The following PWWP2A variants were observed in gnomAD, a reference collection of about 807,000 sequenced individuals.
PWWP2A encodes PWWP domain containing 2A, also known as PWWP domain-containing protein 2A.
PWWP2A carries 18 observed loss-of-function variants against 48.5 expected under a neutral mutation model. That is an observed-to-expected ratio of 0.37 (90% confidence interval 0.26 to 0.55). The LOEUF is 0.55. Among genes scored for constraint, PWWP2A ranks in the 20% least tolerant of loss-of-function variants. The pLI, the probability that PWWP2A is intolerant of heterozygous loss-of-function variation, is 0.81. For synonymous variants in PWWP2A, 396 were observed against 387.7 expected, an observed-to-expected ratio of 1.02 and a Z score of -0.25; for missense variants, 867 against 976.4, an observed-to-expected ratio of 0.89 and a Z score of 1.49.
In PWWP2A at chr5:160,110,439, G is replaced by C. The variant is rs1389529819; in HGVS notation, c.584+8366C>G. ...ATATCTGCACTGGCCGGACGTGGTGGCTCAAGCCTGTAATCCCAGCACTTT... is the reference window on the plus strand; with the variant it reads ...ATATCTGCACTGGCCGGACGTGGTGCCTCAAGCCTGTAATCCCAGCACTTT... On this transcript the variant is annotated intron_variant, in intron 1 of 1. Transcript: ENST00000307063. Among the ~76,000 whole-genome samples, 5 of 152,146 alleles carry C rather than the reference G, an allele frequency of 3.3e-5. No homozygotes were observed. The East Asian group carries it at 9.6e-4, about 29-fold the overall frequency.
chr5:160,091,202 T>C, downstream of PWWP2A: 1 of 973,210 alleles, frequency 1.0e-6, no homozygotes, highest in South Asian at 4.8e-5. Context: ...TTTTCTTATC[T>C]CAGATAATAT....
At chr5:160,045,554 C>CTCT in the PWWP2A span, among the ~76,000 whole-genome samples, 479 of 116,006 alleles carry the variant, frequency 4.1e-3, 9 homozygotes, top group East Asian at 0.015. Context: ...TCTCTCTCTC[C>CTCT]CCCTCCCCTC....
chr5:160,047,945 T>C, the PWWP2A span, among the ~76,000 whole-genome samples: 4 of 152,146 alleles, frequency 2.6e-5, no homozygotes, highest in Non-Finnish European at 5.9e-5. Context: ...TCTTGCCTAC[T>C]AGAATAGCAT....
the PWWP2A span, among the ~76,000 whole-genome samples, chr5:160,048,331 T>C: frequency 6.6e-6 from 1 of 151,994 alleles, no homozygotes; most frequent in Non-Finnish European, 1.5e-5. Context: ...TTTGTATTTT[T>C]AGTAGTGATG....
At position 160,091,494 on chromosome 5, in the gene PWWP2A, T is replaced by C; in HGVS notation, c.*888A>G. ...TGTTTTAATTATCAAATTAGGTACA[T>C]CCAAAATGCAACAATTACACATATG... On this transcript the variant is annotated 3_prime_UTR_variant, in exon 2 of 2. Transcript: ENST00000307063. The C allele has an allele frequency of 1.0e-6, 1 of 981,472 alleles. No individual in the cohort carries two copies. Among genetic ancestry groups the C allele is most frequent in the Non-Finnish European group, 1.2e-6 (1 of 826,514 alleles). The allele number at this position is 981,472 out of a possible 1,614,324, so 60.8% of individuals were successfully genotyped here.
the PWWP2A span, among the ~76,000 whole-genome samples, chr5:160,045,454 C>CCACA: frequency 0.015 from 594 of 38,840 alleles, 41 homozygotes; most frequent in Middle Eastern, 0.022. Context: ...CCCCCACCCT[C>CCACA]CACACACACA....
At chr5:160,106,243 A>G (rs1034886145) in intron 1 of PWWP2A, among the ~76,000 whole-genome samples, 1 of 152,236 alleles carries the variant, frequency 6.6e-6, no homozygotes, top group Non-Finnish European at 1.5e-5. Flanking sequence ...GTATCATTCA[A>G]AAAGGCATCT....
chr5:160,073,049 A>G (rs1240722415), downstream of PWWP2A, among the ~76,000 whole-genome samples: 5 of 140,652 alleles, frequency 3.6e-5, no homozygotes, highest in African/African-American at 7.8e-5. Flanking sequence ...ACATCTCCCC[A>G]GGGGTTTCGG....
chr5:160,064,864 G>A, intron 4 of PWWP2A: 1 of 1,518,434 alleles, frequency 6.6e-7, no homozygotes, highest in Non-Finnish European at 8.9e-7. Context: ...GGTAAGGCAA[G>A]ATTAATTGGT....
rs190017594 is a variant in PWWP2A, at chr5:160,093,108, G to A, written c.1542C>T (p.Arg514=). 3.7e-6 allele frequency: 6 copies of A among 1,613,974 alleles called. No homozygotes were observed. Among genetic ancestry groups the A allele is most frequent in the Non-Finnish European group, 4.2e-6 (5 of 1,179,896 alleles). ...PKPQSRCTST[R]SAGEAPSENQ... ...TTTCTGAAGGGGCCTCACCTGCTGA[G>A]CGGGTAGAGGTGCAGCGAGACTGGG... The change falls in exon 2 of 2, where the codon CGC becomes CGT. Residue 514 remains arginine (R), a synonymous_variant. Transcript: ENST00000307063. The surrounding 1 kb of genome is among the most constrained non-coding windows in gnomAD (Gnocchi z 5.8).
At chr5:160,097,292 G>A (rs957715873) in intron 1 of PWWP2A, among the ~76,000 whole-genome samples, 15 of 132,250 alleles carry the variant, frequency 1.1e-4, no homozygotes, top group Admixed American at 2.6e-4. Flanking sequence ...AGCCATGTTC[G>A]CGCTATCGCA....
downstream of PWWP2A, among the ~76,000 whole-genome samples, chr5:160,061,159 T>G (rs1453857161): frequency 6.6e-6 from 1 of 152,254 alleles, no homozygotes; most frequent in African/African-American, 2.4e-5. Context: ...ACAGCTCGCC[T>G]GCCTATCTCT....
downstream of PWWP2A, among the ~76,000 whole-genome samples, chr5:160,071,013 C>T (rs1753726761): frequency 6.6e-6 from 1 of 152,132 alleles, no homozygotes; most frequent in South Asian, 2.1e-4. Context: ...CATGGCGAAA[C>T]CCTATCTTTA....
chr5:160,096,102 C>G (rs551373142), intron 1 of PWWP2A, among the ~76,000 whole-genome samples: 1 of 152,244 alleles, frequency 6.6e-6, no homozygotes, highest in South Asian at 2.1e-4. Context: ...TTACAAAGAG[C>G]CAGCATACAC....
In PWWP2A at chr5:160,092,245, G is replaced by T; in HGVS notation, c.*137C>A. 6 of 1,411,536 alleles carry T rather than the reference G, an allele frequency of 4.3e-6. No individual in the cohort carries two copies. The highest frequency in any genetic ancestry group is 5.5e-6 in the Non-Finnish European group (6 of 1,084,076). The allele number at this position is 1,411,536 out of a possible 1,614,324, so 87.4% of individuals were successfully genotyped here. ...CTCTCAGTCTAAAAATGGCTATAAGGTAAGTATTAAAAAGCCAGCCAACTG... is the reference window on the plus strand; with the variant it reads ...CTCTCAGTCTAAAAATGGCTATAAGTTAAGTATTAAAAAGCCAGCCAACTG... On this transcript the variant is annotated 3_prime_UTR_variant, in exon 2 of 2. Transcript: ENST00000307063.
downstream of PWWP2A, among the ~76,000 whole-genome samples, chr5:160,060,045 GC>G (rs1757657835): frequency 6.6e-6 from 1 of 152,288 alleles, no homozygotes; most frequent in East Asian, 1.9e-4. Flanking sequence ...TCTATGCTGG[GC>G]TCTCTTGATT....
intron 1 of PWWP2A, among the ~76,000 whole-genome samples, chr5:160,094,642 T>A (rs1755423425): frequency 6.6e-6 from 1 of 152,176 alleles, no homozygotes; most frequent in African/African-American, 2.4e-5. Flanking sequence ...CACAAAAATA[T>A]CAAGAACTCA....
intron 2 of PWWP2A, among the ~76,000 whole-genome samples, chr5:160,070,427 C>T (rs188841583): frequency 2.0e-5 from 3 of 152,062 alleles, no homozygotes; most frequent in South Asian, 2.1e-4. Flanking sequence ...GAGCTATGAC[C>T]GAGCCACCAC....
At chr5:160,055,126 G>C in the PWWP2A span, among the ~76,000 whole-genome samples, 1 of 152,164 alleles carries the variant, frequency 6.6e-6, no homozygotes, top group East Asian at 1.9e-4. Flanking sequence ...CTCCAAACAA[G>C]CTTTGATTCC....
Sources: gnomAD v4.1 joint callset for allele counts (sites outside exome capture counted in the v4.1 genomes callset) on GRCh38, gnomAD v4.1.1 for gene constraint, Gnocchi (gnomAD v3.1) non-coding constraint, MANE v1.5 for transcripts, NCBI Gene and HGNC (gene_info 2026-07-23, HGNC 2026-07-21) for gene names.